KCNQ5: variants seen among roughly 807,000 people sequenced by gnomAD.
KCNQ5 encodes the protein potassium voltage-gated channel subfamily Q member 5, also known as potassium voltage-gated channel subfamily KQT member 5.
KCNQ5 carries 30 observed loss-of-function variants against 98.2 expected under a neutral mutation model. The ratio of observed to expected loss-of-function variants is 0.31; its 90% CI spans 0.23 to 0.41. The LOEUF is 0.41. Ranked by LOEUF, KCNQ5 falls within the 10% of genes least tolerant of loss-of-function variation. The pLI, the probability that KCNQ5 is intolerant of heterozygous loss-of-function variation, is 1.00. For synonymous variants in KCNQ5, 458 were observed against 449.4 expected, an observed-to-expected ratio of 1.02 and a Z score of -0.24; for missense variants, 835 against 1,182.5, an observed-to-expected ratio of 0.71 and a Z score of 4.31.
At chr6:72,927,430 T>C (rs1233679560) in intron 1 of KCNQ5, among the ~76,000 whole-genome samples, 1 of 152,132 alleles carries the variant, frequency 6.6e-6, no homozygotes, top group Admixed American at 6.6e-5. Context: ...GAATTGTTTT[T>C]GTCATGTGTT....
At chr6:72,718,733 G>A (rs1769794098) in intron 1 of KCNQ5, among the ~76,000 whole-genome samples, 1 of 152,092 alleles carries the variant, frequency 6.6e-6, no homozygotes, top group Non-Finnish European at 1.5e-5. Flanking sequence ...AGAGGCGTGA[G>A]CCACCGCACC....
chr6:72,816,443 A>G (rs1223977466), intron 1 of KCNQ5, among the ~76,000 whole-genome samples: 4 of 152,236 alleles, frequency 2.6e-5, no homozygotes, highest in African/African-American at 7.2e-5. Flanking sequence ...GAATAGTAAA[A>G]TTAAAGTAAC....
intron 10 of KCNQ5, among the ~76,000 whole-genome samples, chr6:73,152,034 C>T (rs1314294485): frequency 1.3e-5 from 2 of 152,184 alleles, no homozygotes; most frequent in Non-Finnish European, 2.9e-5. Flanking sequence ...CCTGTTGCGT[C>T]TCTCTGTGTC....
chr6:73,089,642 T>A (rs572133024), intron 5 of KCNQ5, among the ~76,000 whole-genome samples: 2 of 152,276 alleles, frequency 1.3e-5, no homozygotes, highest in East Asian at 3.9e-4. Flanking sequence ...CTCCCACCTA[T>A]GAGTGAGAAC....
At chr6:73,130,503 A>G (rs1776186285) in intron 9 of KCNQ5, among the ~76,000 whole-genome samples, 1 of 151,960 alleles carries the variant, frequency 6.6e-6, no homozygotes, top group Admixed American at 6.6e-5. Flanking sequence ...GCAAAGCAAG[A>G]CCTCCTTGTT....
In KCNQ5 at chr6:73,081,584, C is replaced by T. The variant is rs561616139; in HGVS notation, c.918+3697C>T. On this transcript the variant is annotated intron_variant, in intron 5 of 13. Transcript: ENST00000370398. ...CCTTGGGGAGAATTATACCGTGCCA[C>T]GGAAATCTACCAACAGTATATTGTT... Among the ~76,000 whole-genome samples, 38 of 152,216 alleles carry T rather than the reference C, an allele frequency of 2.5e-4. 1 individual carries two copies. Among genetic ancestry groups the T allele is most frequent in the African/African-American group, 4.8e-4 (20 of 41,542 alleles).
chr6:72,875,804 CCTG>C (rs1321843026), intron 1 of KCNQ5, among the ~76,000 whole-genome samples: 9 of 151,714 alleles, frequency 5.9e-5, no homozygotes, highest in African/African-American at 1.7e-4. Context: ...CACTAATGTA[CCTG>C]CTATCAATAA....
chr6:73,032,179 TG>T (rs1771181625), intron 2 of KCNQ5, among the ~76,000 whole-genome samples: 3 of 152,312 alleles, frequency 2.0e-5, no homozygotes, highest in Admixed American at 2.0e-4. Flanking sequence ...TAGAAATACT[TG>T]TTTGTTTTAA....
intron 1 of KCNQ5, among the ~76,000 whole-genome samples, chr6:72,628,217 T>A (rs1462512135): frequency 6.6e-6 from 1 of 152,206 alleles, no homozygotes; most frequent in Admixed American, 6.5e-5. Context: ...CTGAAAGAAC[T>A]ACCAAGTCTT....
rs1554203587 is a variant in KCNQ5 at position 73,063,667 on chromosome 6, T to TGATAGATAGATAGATAGATAGATA, written c.617-13636_617-13635insAGATAGATAGATAGATAGATAGAT. On this transcript the variant is annotated intron_variant, in intron 3 of 13. Coordinates refer to ENST00000370398, the MANE Select transcript of KCNQ5 (RefSeq NM_019842.4). Reference sequence around the variant, plus strand: ...TACAGATAGATGATAGATAGATAGATGATAGATAGATAGATAGATGATAGA... The same window carrying TGATAGATAGATAGATAGATAGATA: ...TACAGATAGATGATAGATAGATAGATGATAGATAGATAGATAGATAGATAGATAGATAGATAGATAGATGATAGA... Among the ~76,000 whole-genome samples, 22 of 64,472 alleles carry TGATAGATAGATAGATAGATAGATA rather than the reference T, an allele frequency of 3.4e-4. 1 individual carries two copies. The highest frequency in any genetic ancestry group is 1.4e-3 in the South Asian group (2 of 1,448). The allele number at this position is 64,472 out of a possible 152,430, so 42.3% of individuals were successfully genotyped here.
intron 2 of KCNQ5, among the ~76,000 whole-genome samples, chr6:73,008,474 A>G (rs1769916701): frequency 6.6e-6 from 1 of 152,166 alleles, no homozygotes; most frequent in East Asian, 1.9e-4. Context: ...TACTAATAAC[A>G]TACAAAATAG....
intron 1 of KCNQ5, among the ~76,000 whole-genome samples, chr6:72,771,975 A>AGTCTATGGT (rs2154477469): frequency 6.6e-6 from 1 of 152,200 alleles, no homozygotes; most frequent in East Asian, 1.9e-4. Flanking sequence ...CTGGGGAGAT[A>AGTCTATGGT]GTCTATGGTT....
intron 1 of KCNQ5, among the ~76,000 whole-genome samples, chr6:72,687,900 G>A (rs181193852): frequency 7.4e-5 from 11 of 149,512 alleles, no homozygotes; most frequent in East Asian, 2.0e-4. Context: ...GTGCAGTGGC[G>A]TGATGTCGGC....
At chr6:72,860,875 A>G (rs1183640940) in intron 1 of KCNQ5, among the ~76,000 whole-genome samples, 26 of 129,150 alleles carry the variant, frequency 2.0e-4, no homozygotes, top group Admixed American at 5.4e-4. Flanking sequence ...GTGTGTGTGT[A>G]TGTTTTAGGG....
At chr6:72,638,229 T>C (rs6922044) in intron 1 of KCNQ5, among the ~76,000 whole-genome samples, 101,934 of 152,000 alleles carry the variant, frequency 0.67, 34,625 homozygotes, top group Middle Eastern at 0.84. Flanking sequence ...GTAGAATGGC[T>C]CCAGTTATTC....
At chr6:73,088,476 C>T (rs1466698187) in intron 5 of KCNQ5, among the ~76,000 whole-genome samples, 1 of 152,198 alleles carries the variant, frequency 6.6e-6, no homozygotes, top group Non-Finnish European at 1.5e-5. Context: ...ACATTCTTCT[C>T]TGACTTTCCT....
intron 3 of KCNQ5, among the ~76,000 whole-genome samples, chr6:73,063,698 AGATAGATAGATAGATAGATAGAT>A (rs1440285409): frequency 2.5e-4 from 29 of 117,582 alleles, no homozygotes; most frequent in Non-Finnish European, 3.6e-4. Context: ...ATAGATAGAT[AGATAGATAGATAGATAGATAGAT>A]GATAGATAGA....
At chr6:72,723,558 A>G (rs1377105031) in intron 1 of KCNQ5, among the ~76,000 whole-genome samples, 2 of 152,200 alleles carry the variant, frequency 1.3e-5, no homozygotes, top group African/African-American at 4.8e-5. Flanking sequence ...TGTTGGAGCA[A>G]TGCTCATGCT....
At chr6:73,169,255 C>G (rs902633639) in intron 10 of KCNQ5, among the ~76,000 whole-genome samples, 4 of 152,168 alleles carry the variant, frequency 2.6e-5, no homozygotes, top group Non-Finnish European at 4.4e-5. Flanking sequence ...TGCCTGTATC[C>G]AGTAACTAAT....
Sources: allele counts gnomAD v4.1 joint callset (sites outside exome capture counted in the v4.1 genomes callset), GRCh38; gene constraint gnomAD v4.1.1; transcripts MANE v1.5; gene names NCBI Gene and HGNC (gene_info 2026-07-23, HGNC 2026-07-21).